Variants in SMTNL2 observed in about 807,000 individuals in gnomAD.
SMTNL2 encodes the protein smoothelin like 2.
SMTNL2 carries 43 observed loss-of-function variants against 44.1 expected under a neutral mutation model. The observed-to-expected ratio is 0.98, with a 90% CI of 0.76 to 1.26. The LOEUF is 1.26. Ranked by LOEUF, SMTNL2 falls within the 50% of genes most tolerant of loss-of-function variation. SMTNL2 has a pLI of 0.00. For synonymous variants in SMTNL2, 317 were observed against 287.6 expected, an observed-to-expected ratio of 1.10 and a Z score of -1.03; for missense variants, 646 against 670.2, an observed-to-expected ratio of 0.96 and a Z score of 0.40.
rs1909886157 is a variant in SMTNL2 at position 4,598,005 on chromosome 17, G to A, written c.1259+682G>A. 6.6e-6 allele frequency among the ~76,000 whole-genome samples: 1 copy of A among 152,158 alleles called. No individual in the cohort carries two copies. The highest frequency in any genetic ancestry group is 1.5e-5 in the Non-Finnish European group (1 of 68,022). On this transcript the variant is annotated intron_variant, in intron 7 of 7. Transcript: ENST00000389313. This position sits in a 1 kb window ranked among gnomAD's most constrained non-coding sequence, Gnocchi z 4.8. ...GGGGCACAGTCAAGAACTGGGCGAGGAGAGTTTAATAAAGGGACCCTTTAC... is the reference window on the plus strand; with the variant it reads ...GGGGCACAGTCAAGAACTGGGCGAGAAGAGTTTAATAAAGGGACCCTTTAC...
At chr17:4,602,324 T>A (rs1910077047) in intron 7 of SMTNL2, among the ~76,000 whole-genome samples, 1 of 139,654 alleles carries the variant, frequency 7.2e-6, no homozygotes, top group African/African-American at 2.6e-5. Flanking sequence ...TTTTTTTTTT[T>A]TTTTTTTTTT....
rs919506505 is a variant in SMTNL2, at chr17:4,600,024, G to A, written c.1259+2701G>A. ...CTGACTCGAGGGCGTGGGGAGGGGCGTCCACCGCAGGCCTGTGCCGGGGGG... is the reference window on the plus strand; with the variant it reads ...CTGACTCGAGGGCGTGGGGAGGGGCATCCACCGCAGGCCTGTGCCGGGGGG... On this transcript the variant is annotated intron_variant, in intron 7 of 7. Transcript: ENST00000389313. The surrounding 1 kb of genome is among the most constrained non-coding windows in gnomAD (Gnocchi z 4.7). Among the ~76,000 whole-genome samples the A allele has an allele frequency of 2.6e-5, 4 of 152,154 alleles. No homozygotes were observed. The highest frequency in any genetic ancestry group is 4.1e-4 in the South Asian group (2 of 4,832).
rs1462025242 is a variant in SMTNL2, at chr17:4,596,995, T to C, written c.1107+18T>C. 2 of 1,486,620 alleles carry C rather than the reference T, an allele frequency of 1.3e-6. No individual in the cohort carries two copies. The highest frequency in any genetic ancestry group is 1.8e-6 in the Non-Finnish European group (2 of 1,112,022). The allele number at this position is 1,486,620 out of a possible 1,614,324, so 92.1% of individuals were successfully genotyped here. On this transcript the variant is annotated intron_variant, in intron 6 of 7. Transcript: ENST00000389313. ...GCTACCAGGTGAGCCCCGGCTCCCC[T>C]CCGGCTGCTGGGACGCCCCAGCTAA... is the stretch of plus-strand genomic sequence containing the variant.
At chr17:4,590,170 TTG>T (rs1909515740) in intron 1 of SMTNL2, among the ~76,000 whole-genome samples, 1 of 152,018 alleles carries the variant, frequency 6.6e-6, no homozygotes, top group East Asian at 1.9e-4. Context: ...TTTCACCACG[TTG>T]GCCAGGCTGG....
chr17:4,607,677 T>G lies in SMTNL2; in HGVS notation c.*190T>G. ...GATTAAAAGTACTGCTGAGCTGTGG[T>G]CCGACAGCACTGATCACAGCCAAGG... is the stretch of plus-strand genomic sequence containing the variant. On this transcript the variant is annotated 3_prime_UTR_variant, in exon 8 of 8. Transcript: ENST00000389313. This position sits in a 1 kb window ranked among gnomAD's most constrained non-coding sequence, Gnocchi z 4.7. The G allele has an allele frequency of 1.1e-6, 1 of 908,722 alleles. No homozygotes were observed. Among genetic ancestry groups the G allele is most frequent in the Non-Finnish European group, 1.6e-6 (1 of 628,366 alleles). 56.3% of individuals were successfully genotyped at this position (908,722 alleles called of 1,614,324 possible).
In SMTNL2 at chr17:4,601,689, ATT is replaced by A. The variant is rs5818969; in HGVS notation, c.1259+4378_1259+4379del. Among the ~76,000 whole-genome samples the A allele has an allele frequency of 6.7e-3, 976 of 144,742 alleles. 12 individuals are homozygous for A. The highest frequency in any genetic ancestry group is 0.023 in the African/African-American group (892 of 39,376). The allele number at this position is 144,742 out of a possible 152,430, so 95.0% of individuals were successfully genotyped here. A position where few individuals can be genotyped will look rare whatever the true frequency, so the allele number is the denominator to read the frequency against. The stretch of plus-strand genomic sequence containing the variant: ...CAGGCACACACCCCCACACTTGGCT[ATT>A]TTTTTTTTTTTAGAGACGGGGTCTA... On this transcript the variant is annotated intron_variant, in intron 7 of 7. Transcript: ENST00000389313.
At chr17:4,589,697 C>T (rs1909484850) in intron 1 of SMTNL2, among the ~76,000 whole-genome samples, 1 of 152,114 alleles carries the variant, frequency 6.6e-6, no homozygotes, top group South Asian at 2.1e-4. Flanking sequence ...GGTCTTGCCT[C>T]TTCCTTCTGG....
At chr17:4,584,293 G>A (rs1164471601), upstream of SMTNL2, among the ~76,000 whole-genome samples, 1 of 152,174 alleles carries the variant, frequency 6.6e-6, no homozygotes, top group African/African-American at 2.4e-5. Context: ...GGGGGCCAGG[G>A]CCTTCTTCGG....
At position 4,595,216 on chromosome 17, in the gene SMTNL2, A is replaced by T. The variant is rs762121330; in HGVS notation, c.878A>T (p.Gln293Leu). 46 of 1,613,144 alleles carry T rather than the reference A, an allele frequency of 2.9e-5. No individual in the cohort carries two copies. The highest frequency in any genetic ancestry group is 3.7e-5 in the Non-Finnish European group (44 of 1,179,984). Residue 293 changes from glutamine (Q) to leucine (L), a missense_variant, in exon 5 of 8, where the codon CAG becomes CTG. Gln to Leu is a moderately radical substitution (Grantham distance 113). Coordinates refer to ENST00000389313, the MANE Select transcript of SMTNL2 (RefSeq NM_001114974.2). This position sits in a 1 kb window ranked among gnomAD's most constrained non-coding sequence, Gnocchi z 5.1. ...QPPAITQVHR[Q>L]GERRRELVRS... ...CCAGCCATAACTCAGGTCCATCGGC[A>T]GGGGGAGCGTCGCAGGGAGCTGGTG... is the stretch of plus-strand genomic sequence containing the variant.
Position 4,584,712 on chromosome 17 carries a change from G to C in SMTNL2, c.107G>C (p.Arg36Pro), listed in dbSNP as rs1346729068. The change falls in exon 1 of 8, where the codon CGG becomes CCG. Residue 36 changes from arginine to proline, a missense_variant. Arg to Pro is a moderately radical substitution (Grantham distance 103, BLOSUM62 -2). Transcript: ENST00000389313. ...GTGCGCGCGCTGCACGAGGACATGC[G>C]GGGGCTGCAGCGCGGCGTGGAGCGG... ...GAVRALHEDM[R>P]GLQRGVERRV... 1.5e-6 allele frequency: 2 copies of C among 1,300,138 alleles called. No individual in the cohort carries two copies. Among genetic ancestry groups the C allele is most frequent in the Middle Eastern group, 2.9e-4 (1 of 3,394 alleles). 80.5% of individuals were successfully genotyped at this position (1,300,138 alleles called of 1,614,324 possible).
intron 7 of SMTNL2, among the ~76,000 whole-genome samples, chr17:4,604,116 A>T (rs1201646859): frequency 6.6e-6 from 1 of 152,138 alleles, no homozygotes; most frequent in African/African-American, 2.4e-5. Context: ...AAATGTTGGG[A>T]TGACAGGCAT....
At chr17:4,588,602 G>A (rs573080093) in intron 1 of SMTNL2, among the ~76,000 whole-genome samples, 3 of 152,344 alleles carry the variant, frequency 2.0e-5, no homozygotes, top group Non-Finnish European at 4.4e-5. Flanking sequence ...GGGACAGCTC[G>A]TTCCAGCCCA....
Position 4,607,446 on chromosome 17 carries a change from T to A in SMTNL2, c.1345T>A (p.Tyr449Asn). 2 of 1,614,234 alleles carry A rather than the reference T, an allele frequency of 1.2e-6. No individual in the cohort carries two copies. Among genetic ancestry groups the A allele is most frequent in the Non-Finnish European group, 8.5e-7 (1 of 1,180,042 alleles). The part of the protein sequence containing the change: ...RKPDPMCVFT[Y>N]VQSLYNHLRR... ...GCCGGACCCCATGTGTGTCTTCACCTACGTCCAGTCGCTGTACAACCACCT... is the reference window on the plus strand; with the variant it reads ...GCCGGACCCCATGTGTGTCTTCACCAACGTCCAGTCGCTGTACAACCACCT... The change falls in exon 8 of 8, where the codon TAC (tyrosine) becomes AAC (asparagine). Residue 449 changes from tyrosine (Y) to asparagine (N), a missense_variant. Physicochemically the swap from Tyr to Asn is moderately radical, Grantham distance 143. Transcript: ENST00000389313. This position sits in a 1 kb window ranked among gnomAD's most constrained non-coding sequence, Gnocchi z 4.7.
In SMTNL2 at chr17:4,589,938, CTTTTTTTTTTTT is replaced by C. The variant is rs780984262; in HGVS notation, c.400-2388_400-2377del. On this transcript the variant is annotated intron_variant, in intron 1 of 7. Coordinates refer to ENST00000389313, the MANE Select transcript of SMTNL2 (RefSeq NM_001114974.2). The stretch of plus-strand genomic sequence containing the variant: ...CCAGGCTGCCTTTGGACGCACCTGG[CTTTTTTTTTTTT>C]TTTTTTTTTTTTTTTTTTTTTTTTT... Among the ~76,000 whole-genome samples the C allele has an allele frequency of 8.4e-5, 5 of 59,872 alleles. 1 individual carries two copies. Among genetic ancestry groups the C allele is most frequent in the African/African-American group, 3.5e-4 (5 of 14,252 alleles). 39.3% of individuals were successfully genotyped at this position (59,872 alleles called of 152,430 possible). A position where few individuals can be genotyped will look rare whatever the true frequency, so the allele number is the denominator to read the frequency against.
At chr17:4,585,794 C>G (rs1179745084) in intron 1 of SMTNL2, among the ~76,000 whole-genome samples, 2 of 152,226 alleles carry the variant, frequency 1.3e-5, no homozygotes, top group African/African-American at 4.8e-5. Flanking sequence ...TTCCCAGGAT[C>G]TGGGGCTGTG....
chr17:4,592,269 C>G lies in SMTNL2; in HGVS notation c.400-92C>G. The G allele has an allele frequency of 8.4e-7, 1 of 1,193,696 alleles. No individual in the cohort carries two copies. Among genetic ancestry groups the G allele is most frequent in the Non-Finnish European group, 1.2e-6 (1 of 838,166 alleles). The allele number at this position is 1,193,696 out of a possible 1,614,324, so 73.9% of individuals were successfully genotyped here. A position where few individuals can be genotyped will look rare whatever the true frequency, so the allele number is the denominator to read the frequency against. ...TCTCTCAACATGATTGGTGTTTTGC[C>G]AGAACGGGAGGGGATTTGGGGGTGG... is the stretch of plus-strand genomic sequence containing the variant. On this transcript the variant is annotated intron_variant, in intron 1 of 7. Coordinates refer to ENST00000389313, the MANE Select transcript of SMTNL2 (RefSeq NM_001114974.2). The surrounding 1 kb of genome is among the most constrained non-coding windows in gnomAD (Gnocchi z 4.5).
rs745426692 is a variant in SMTNL2 at position 4,597,300 on chromosome 17, C to T, written c.1236C>T (p.Phe412=). ...SLSPTQRQKN[F]ELAFTMAENL... Reference sequence around the variant, plus strand: ...GCCCCACGCAGAGGCAGAAGAACTTCGAGCTGGCTTTCACCATGGCCGAGT... The same window carrying T: ...GCCCCACGCAGAGGCAGAAGAACTTTGAGCTGGCTTTCACCATGGCCGAGT... The change falls in exon 7 of 8, where the codon TTC becomes TTT. Residue 412 remains phenylalanine (F), a synonymous_variant. Coordinates refer to ENST00000389313, the MANE Select transcript of SMTNL2 (RefSeq NM_001114974.2). The T allele has an allele frequency of 1.2e-6, 2 of 1,614,044 alleles. No homozygotes were observed. The highest frequency in any genetic ancestry group is 1.7e-6 in the Non-Finnish European group (2 of 1,179,940).
At position 4,595,318 on chromosome 17, in the gene SMTNL2, C is replaced by T. The variant is rs780494924; in HGVS notation, c.980C>T (p.Ala327Val). ...ALFEKWEQET[A>V]AGKGKGEARA... ...TTTGAGAAGTGGGAGCAGGAAACGG[C>T]GGCCGGCAAGTACGGATGCCCACTC... Residue 327 changes from alanine to valine, a missense_variant, in exon 5 of 8, where the codon GCG becomes GTG. Coordinates refer to ENST00000389313, the MANE Select transcript of SMTNL2 (RefSeq NM_001114974.2). This position sits in a 1 kb window ranked among gnomAD's most constrained non-coding sequence, Gnocchi z 5.1. 5.6e-6 allele frequency: 9 copies of T among 1,611,900 alleles called. No homozygotes were observed. Among genetic ancestry groups the T allele is most frequent in the Non-Finnish European group, 7.6e-6 (9 of 1,179,084 alleles).
At chr17:4,594,084 G>A (rs113619944) in intron 4 of SMTNL2, among the ~76,000 whole-genome samples, 187 bp downstream of exon 4, 2 of 152,064 alleles carry the variant, frequency 1.3e-5, no homozygotes, top group Admixed American at 6.5e-5. Flanking sequence ...AGTGGGCCTC[G>A]GTGGAGAGTT....
Sources: gnomAD v4.1 joint callset for allele counts (sites outside exome capture counted in the v4.1 genomes callset) on GRCh38, gnomAD v4.1.1 for gene constraint, Gnocchi (gnomAD v3.1) non-coding constraint, MANE v1.5 for transcripts, NCBI Gene and HGNC (gene_info 2026-07-23, HGNC 2026-07-21) for gene names.